The following ATRNL1 variants were observed in gnomAD, a reference collection of about 807,000 sequenced individuals.
ATRNL1 encodes the protein attractin-like protein 1.
ATRNL1 carries 95 observed loss-of-function variants against 182.7 expected under a neutral mutation model. The ratio of observed to expected loss-of-function variants is 0.52; its 90% CI spans 0.44 to 0.62. The LOEUF (loss-of-function observed/expected upper bound fraction) is 0.62. Ranked by LOEUF, ATRNL1 falls within the 20% of genes least tolerant of loss-of-function variation. The probability of loss-of-function intolerance (pLI) is 0.00; values close to 1 mark genes in which losing one functional copy is unlikely to be tolerated. For missense variants in ATRNL1, 1,471 were observed against 1,679.5 expected (o/e 0.88, Z 2.17); for synonymous variants, 576 against 568.3 (o/e 1.01, Z -0.19).
chr10:115,535,455 C>G (rs1334504381), intron 25 of ATRNL1, among the ~76,000 whole-genome samples: 2 of 149,994 alleles, frequency 1.3e-5, no homozygotes, highest in African/African-American at 4.9e-5. Flanking sequence ...GTTTTCAGCT[C>G]CATCAGCTCC....
intron 24 of ATRNL1, among the ~76,000 whole-genome samples, chr10:115,507,789 A>G (rs902166744): frequency 3.3e-5 from 5 of 152,006 alleles, no homozygotes; most frequent in African/African-American, 1.2e-4. Context: ...TAAAATGAGG[A>G]TTGCCATTCA....
At chr10:115,845,734 A>G (rs1950913276) in intron 27 of ATRNL1, among the ~76,000 whole-genome samples, 2 of 151,916 alleles carry the variant, frequency 1.3e-5, no homozygotes, top group Admixed American at 6.6e-5. Flanking sequence ...GATATGCTGA[A>G]TAGTATCAGT....
intron 27 of ATRNL1, among the ~76,000 whole-genome samples, chr10:115,786,099 G>A (rs1555080375): frequency 6.6e-6 from 1 of 151,946 alleles, no homozygotes. Context: ...ATTCCTTTTT[G>A]AACCCTCACC....
intron 28 of ATRNL1, among the ~76,000 whole-genome samples, chr10:115,890,727 C>T (rs942775916): frequency 5.3e-5 from 8 of 152,102 alleles, no homozygotes; most frequent in Non-Finnish European, 1.0e-4. Context: ...AATATAGCCC[C>T]GTAATGATGC....
chr10:115,395,603 A>G (rs544254454), intron 20 of ATRNL1, among the ~76,000 whole-genome samples: 1 of 151,736 alleles, frequency 6.6e-6, no homozygotes, highest in African/African-American at 2.4e-5. Context: ...ATTAATTCCA[A>G]TTCTTGTCCT....
chr10:115,819,866 C>T (rs375947653), intron 27 of ATRNL1: 6 of 151,214 alleles, frequency 4.0e-5, no homozygotes, highest in Non-Finnish European at 7.4e-5. Flanking sequence ...CCTTCATTCA[C>T]GTATAAACTA....
At chr10:115,694,395 A>G (rs1312367449) in intron 26 of ATRNL1, among the ~76,000 whole-genome samples, 1 of 152,146 alleles carries the variant, frequency 6.6e-6, no homozygotes, top group Non-Finnish European at 1.5e-5. Context: ...TGGATGCTCT[A>G]ACATTATGGA....
chr10:115,790,256 GAAA>G (rs10551374), intron 27 of ATRNL1, among the ~76,000 whole-genome samples: 1,682 of 143,196 alleles, frequency 0.012, 30 homozygotes, highest in African/African-American at 0.04. Context: ...AGTTTAAAAA[GAAA>G]AAAAAAAAAA....
chr10:115,590,825 C>A (rs1443053539), intron 26 of ATRNL1, among the ~76,000 whole-genome samples: 1 of 152,170 alleles, frequency 6.6e-6, no homozygotes, highest in East Asian at 1.9e-4. Flanking sequence ...TCCCTGAATA[C>A]TAGCATTTCT....
At chr10:115,654,186 T>C (rs2133887726) in intron 26 of ATRNL1, among the ~76,000 whole-genome samples, 1 of 152,226 alleles carries the variant, frequency 6.6e-6, no homozygotes, top group African/African-American at 2.4e-5. Flanking sequence ...GCATTGCTGT[T>C]GTAGACAGAA....
intron 26 of ATRNL1, among the ~76,000 whole-genome samples, chr10:115,594,432 A>G (rs561546291): frequency 2.0e-5 from 3 of 152,296 alleles, no homozygotes; most frequent in African/African-American, 7.2e-5. Flanking sequence ...TAGTGTGACT[A>G]TGGGTGGGTC....
chr10:115,511,581 A>G (rs1241234696), intron 24 of ATRNL1, among the ~76,000 whole-genome samples: 1 of 151,894 alleles, frequency 6.6e-6, no homozygotes, highest in Non-Finnish European at 1.5e-5. Flanking sequence ...GCACAAACAC[A>G]TCAATTTATC....
intron 27 of ATRNL1, among the ~76,000 whole-genome samples, chr10:115,812,001 G>A (rs1950056948): frequency 6.6e-6 from 1 of 151,760 alleles, no homozygotes; most frequent in African/African-American, 2.4e-5. Flanking sequence ...TTATTTTTAT[G>A]GTAAAATACA....
Position 115,171,028 on chromosome 10 carries a change from A to T in ATRNL1, c.1093-9A>T, listed in dbSNP as rs782726678. 6.7e-7 allele frequency: 1 copy of T among 1,486,100 alleles called. No homozygotes were observed. The highest frequency in any genetic ancestry group is 9.1e-7 in the Non-Finnish European group (1 of 1,103,432). 92.1% of individuals were successfully genotyped at this position (1,486,100 alleles called of 1,614,324 possible). On this transcript the variant is annotated splice_polypyrimidine_tract_variant and intron_variant, in intron 7 of 28. Coordinates refer to ENST00000355044, the MANE Select transcript of ATRNL1 (RefSeq NM_207303.4). Reference sequence around the variant, plus strand: ...TTTTATCTATTAATATATGTATTTTAATTTACAGGAAAACATCTTTATGTA... The same window carrying T: ...TTTTATCTATTAATATATGTATTTTTATTTACAGGAAAACATCTTTATGTA...
chr10:115,747,758 A>G (rs1981662), intron 27 of ATRNL1, among the ~76,000 whole-genome samples: 25,197 of 151,972 alleles, frequency 0.17, 2,335 homozygotes, highest in Non-Finnish European at 0.21. Flanking sequence ...TGACTTATAA[A>G]CAACAGAAAT....
chr10:115,916,658 C>A (rs1952862831), intron 28 of ATRNL1, among the ~76,000 whole-genome samples: 1 of 152,122 alleles, frequency 6.6e-6, no homozygotes, highest in Non-Finnish European at 1.5e-5. Context: ...TCATGAAAGT[C>A]TTATTTGAAT....
At chr10:115,803,297 T>C (rs1367575588) in intron 27 of ATRNL1, among the ~76,000 whole-genome samples, 1 of 151,784 alleles carries the variant, frequency 6.6e-6, no homozygotes, top group Non-Finnish European at 1.5e-5. Flanking sequence ...TATGTTAATA[T>C]TTTTAAGTGG....
chr10:115,216,700 G>T (rs956877965), intron 9 of ATRNL1, among the ~76,000 whole-genome samples: 10 of 150,256 alleles, frequency 6.7e-5, no homozygotes, highest in African/African-American at 2.2e-4. Flanking sequence ...TTTCTTTTAA[G>T]ACAGTATACA....
At chr10:115,283,431 C>A (rs1440659334) in intron 14 of ATRNL1, among the ~76,000 whole-genome samples, 2 of 152,040 alleles carry the variant, frequency 1.3e-5, no homozygotes, top group African/African-American at 4.8e-5. Context: ...AACGAACAAA[C>A]AAACACACCA....
Sources: gnomAD v4.1 joint callset for allele counts (sites outside exome capture counted in the v4.1 genomes callset) on GRCh38, gnomAD v4.1.1 for gene constraint, MANE v1.5 for transcripts, NCBI Gene and HGNC (gene_info 2026-07-23, HGNC 2026-07-21) for gene names.